The following COPS4 variants were observed in gnomAD, a reference collection of about 807,000 sequenced individuals.
COPS4 encodes the protein COP9 signalosome complex subunit 4.
A neutral mutation model predicts 55.1 loss-of-function variants in COPS4; 8 were observed. The ratio of observed to expected loss-of-function variants is 0.15; its 90% CI spans 0.09 to 0.26. The LOEUF (loss-of-function observed/expected upper bound fraction) is 0.26, where lower values mean the gene tolerates loss of function less well. COPS4 is among the 10% of genes least tolerant of loss of function. The pLI is 1.00. For synonymous variants in COPS4, 185 were observed against 165.7 expected, an observed-to-expected ratio of 1.12 and a Z score of -0.90; for missense variants, 248 against 484.0, an observed-to-expected ratio of 0.51 and a Z score of 4.58.
At chr4:83,063,642 C>T (rs964755446) in intron 7 of COPS4, among the ~76,000 whole-genome samples, 9 of 151,140 alleles carry the variant, frequency 6.0e-5, no homozygotes, top group Admixed American at 3.3e-4. Flanking sequence ...CTCCTGACCT[C>T]GTGATCCGCC....
In COPS4 at chr4:83,066,351, G is replaced by A. The variant is rs145423358; in HGVS notation, c.887-87G>A. The A allele has an allele frequency of 2.8e-4, 173 of 612,514 alleles. 1 individual carries two copies. The highest frequency in any genetic ancestry group is 2.6e-3 in the African/African-American group (140 of 52,934). The allele number at this position is 612,514 out of a possible 1,614,324, so 37.9% of individuals were successfully genotyped here. A position where few individuals can be genotyped will look rare whatever the true frequency, so the allele number is the denominator to read the frequency against. The stretch of plus-strand genomic sequence containing the variant: ...GGAGTTAAAGAGGATGAGTTATTAC[G>A]TGCCTAGACATTTTCAGAAAAAATG... On this transcript the variant is annotated intron_variant, in intron 7 of 9. Coordinates refer to ENST00000264389, the MANE Select transcript of COPS4 (RefSeq NM_016129.3).
chr4:83,063,345 A>G (rs900833958), intron 7 of COPS4, 99 bp downstream of exon 7: 20 of 750,478 alleles, frequency 2.7e-5, no homozygotes, highest in African/African-American at 2.3e-4. Context: ...ATAATTCTAC[A>G]TAACACTTCC....
intron 2 of COPS4, 78 bp from the exon 3 acceptor site, chr4:83,049,084 TATTA>T (rs971141201): frequency 7.8e-7 from 1 of 1,287,196 alleles, no homozygotes; most frequent in African/African-American, 1.5e-5. Flanking sequence ...TTGTTGTTAG[TATTA>T]ATTTTAAGTA....
rs573768335 is a variant in COPS4 at position 83,052,744 on chromosome 4, G to A, written c.410+2760G>A. 2.7e-4 allele frequency among the ~76,000 whole-genome samples: 41 copies of A among 152,168 alleles called. No individual in the cohort carries two copies. In the South Asian group the frequency reaches 6.2e-3, roughly 23 times the overall value. ...TGGGACTACAGGTGCACACCACTACGCCTGGCTAATTTTTGTATTTTTAGT... is the reference window on the plus strand; with the variant it reads ...TGGGACTACAGGTGCACACCACTACACCTGGCTAATTTTTGTATTTTTAGT... On this transcript the variant is annotated intron_variant, in intron 4 of 9. Coordinates refer to ENST00000264389, the MANE Select transcript of COPS4 (RefSeq NM_016129.3).
intron 4 of COPS4, among the ~76,000 whole-genome samples, chr4:83,056,223 C>T (rs564813840): frequency 1.3e-5 from 2 of 152,110 alleles, no homozygotes; most frequent in African/African-American, 2.4e-5. Flanking sequence ...TGAGCCACCA[C>T]GCCCGGCCTT....
intron 1 of COPS4, among the ~76,000 whole-genome samples, chr4:83,044,859 A>G (rs1459522380): frequency 1.3e-5 from 2 of 152,346 alleles, no homozygotes; most frequent in African/African-American, 4.8e-5. Context: ...CATTACTAAT[A>G]CCGTTGAATA....
intron 3 of COPS4, 113 bp downstream of exon 3, chr4:83,049,430 CAG>C (rs1730802079): frequency 1.0e-6 from 1 of 966,812 alleles, no homozygotes; most frequent in Non-Finnish European, 1.5e-6. Context: ...TTTGACAAAA[CAG>C]TGTGCCAAAC....
intron 1 of COPS4, among the ~76,000 whole-genome samples, chr4:83,037,322 A>G (rs1488598875): frequency 1.3e-5 from 2 of 152,220 alleles, no homozygotes; most frequent in Non-Finnish European, 2.9e-5. Context: ...GGGAGGGGAA[A>G]TGGAGCTTAC....
chr4:83,061,089 C>T lies in COPS4; in HGVS notation c.716-1987C>T, dbSNP rs374263613. 9.2e-4 allele frequency among the ~76,000 whole-genome samples: 139 copies of T among 151,124 alleles called. 2 individuals carry two copies. In the South Asian group the frequency reaches 0.028, roughly 31 times the overall value. ...CCTTGCTTGGGTCATTCATTACATT[C>T]TATGTTACAAAATGGTGATTTGCTC... On this transcript the variant is annotated intron_variant, in intron 6 of 9. Coordinates refer to ENST00000264389, the MANE Select transcript of COPS4 (RefSeq NM_016129.3).
intron 8 of COPS4, among the ~76,000 whole-genome samples, chr4:83,067,434 C>T (rs886120061): frequency 6.6e-6 from 1 of 151,812 alleles, no homozygotes; most frequent in African/African-American, 2.4e-5. Flanking sequence ...CTGTGTTGGC[C>T]AGGCTGGTCT....
chr4:83,054,231 A>G (rs550820513), intron 4 of COPS4, among the ~76,000 whole-genome samples: 1 of 152,036 alleles, frequency 6.6e-6, no homozygotes, highest in Non-Finnish European at 1.5e-5. Flanking sequence ...AGTCCCAGCT[A>G]CTTGGGAGGC....
At chr4:83,073,499 C>CT (rs1731490574) in intron 9 of COPS4, 1 of 401,460 alleles carries the variant, frequency 2.5e-6, no homozygotes, top group African/African-American at 2.1e-5. Flanking sequence ...TAATTTTGGC[C>CT]TGGTTAGAAA....
chr4:83,053,198 A>G (rs1730925973), intron 4 of COPS4, among the ~76,000 whole-genome samples: 1 of 152,154 alleles, frequency 6.6e-6, no homozygotes, highest in South Asian at 2.1e-4. Flanking sequence ...GCAACACACT[A>G]AGACCCCATC....
At chr4:83,038,934 C>T (rs929796914) in intron 1 of COPS4, among the ~76,000 whole-genome samples, 2 of 152,084 alleles carry the variant, frequency 1.3e-5, no homozygotes, top group Non-Finnish European at 2.9e-5. Context: ...TGAGCCACCG[C>T]GCCTGGCCAG....
chr4:83,049,403 A>G, intron 3 of COPS4, 86 bp downstream of exon 3: 1 of 1,205,422 alleles, frequency 8.3e-7, no homozygotes, highest in Non-Finnish European at 1.1e-6. Flanking sequence ...TAAAGGAGAT[A>G]ATCATCCAAT....
chr4:83,070,766 T>A (rs1731405720), intron 9 of COPS4, among the ~76,000 whole-genome samples: 2 of 152,176 alleles, frequency 1.3e-5, no homozygotes, highest in African/African-American at 4.8e-5. Flanking sequence ...TATTTTCTTT[T>A]AAAAAATGCA....
intron 6 of COPS4, 22 bp from the exon 7 acceptor site, chr4:83,063,054 G>T: frequency 6.6e-7 from 1 of 1,507,234 alleles, no homozygotes; most frequent in Non-Finnish European, 8.8e-7. Flanking sequence ...TGTGAAATTT[G>T]ATGCTCATTT....
rs796208489 is a variant in COPS4, at chr4:83,066,579, A to T, written c.1002+26A>T. On this transcript the variant is annotated intron_variant, in intron 8 of 9. Coordinates refer to ENST00000264389, the MANE Select transcript of COPS4 (RefSeq NM_016129.3). ...GTATCTTCTTGATTCCAATACATTT[A>T]AAAAAAAGTTAAGAGATGAAACTAT... The T allele has an allele frequency of 9.9e-6, 11 of 1,115,430 alleles. No homozygotes were observed. The African/African-American group carries it at 1.3e-4, about 13-fold the overall frequency. The allele number at this position is 1,115,430 out of a possible 1,614,324, so 69.1% of individuals were successfully genotyped here.
At chr4:83,048,872 C>T (rs912019057) in intron 2 of COPS4, among the ~76,000 whole-genome samples, 1 of 152,062 alleles carries the variant, frequency 6.6e-6, no homozygotes, top group African/African-American at 2.4e-5. Flanking sequence ...GTCTCGAACT[C>T]CTGACGTCGT....
Sources: allele counts gnomAD v4.1 joint callset (sites outside exome capture counted in the v4.1 genomes callset), GRCh38; gene constraint gnomAD v4.1.1; transcripts MANE v1.5; gene names NCBI Gene and HGNC (gene_info 2026-07-23, HGNC 2026-07-21).